Variants in SLC16A2 observed in about 807,000 individuals in gnomAD.
SLC16A2 encodes solute carrier family 16 member 2, also known as monocarboxylate transporter 8.
Under a neutral mutation model 27.2 loss-of-function variants are expected in SLC16A2, and 3 were observed. That is an observed-to-expected ratio of 0.11 (90% confidence interval 0.05 to 0.28). The LOEUF (loss-of-function observed/expected upper bound fraction) is 0.28. Among genes scored for constraint, SLC16A2 ranks in the 10% least tolerant of loss-of-function variants. The pLI is 1.00. For missense variants in SLC16A2, 295 were observed against 458.5 expected, an observed-to-expected ratio of 0.64 and a Z score of 3.26; for synonymous variants, 202 against 187.8, an observed-to-expected ratio of 1.08 and a Z score of -0.62.
rs1930465248 is a variant in SLC16A2 at position 74,524,821 on chromosome X, C to T, written c.1026+12C>T. 1 of 1,193,014 alleles carries T rather than the reference C, an allele frequency of 8.4e-7. No homozygotes were observed. The highest frequency in any genetic ancestry group is 1.1e-6 in the Non-Finnish European group (1 of 884,880). On this transcript the variant is annotated intron_variant, in intron 3 of 5. Transcript: ENST00000587091. ...CCTATGTACACCTGGTGAGGAATAC[C>T]AGAGTGGGCCCACCCCACCTGGCCC...
At chrX:74,521,485 A>G (rs1483088954) in intron 2 of SLC16A2, among the ~76,000 whole-genome samples, 3 of 112,106 alleles carry the variant, frequency 2.7e-5, no homozygotes, top group Non-Finnish European at 5.6e-5. Flanking sequence ...CTATATCTGT[A>G]ACATGAGGGG....
At chrX:74,480,379 G>A (rs551416363) in intron 1 of SLC16A2, among the ~76,000 whole-genome samples, 7 of 112,518 alleles carry the variant, frequency 6.2e-5, no homozygotes, top group South Asian at 3.7e-4. Context: ...GGTGCCATCC[G>A]TTACCCCTTT....
At chrX:74,425,273 C>T (rs965210968) in intron 1 of SLC16A2, among the ~76,000 whole-genome samples, 1 of 111,047 alleles carries the variant, frequency 9.0e-6, no homozygotes, top group Non-Finnish European at 1.9e-5. Flanking sequence ...TTTTGTGGAC[C>T]CTTTGATGTA....
intron 1 of SLC16A2, among the ~76,000 whole-genome samples, chrX:74,450,745 C>T (rs1928924896): frequency 8.9e-6 from 1 of 112,116 alleles, no homozygotes; most frequent in African/African-American, 3.2e-5. Context: ...TCCTTGCCTC[C>T]TCTGCCTTGT....
At chrX:74,440,308 G>T (rs765140611) in intron 1 of SLC16A2, among the ~76,000 whole-genome samples, 37 of 111,665 alleles carry the variant, frequency 3.3e-4, no homozygotes, top group Non-Finnish European at 6.4e-4. Flanking sequence ...TGTGTTCATT[G>T]TAAGTTTAGA....
intron 1 of SLC16A2, among the ~76,000 whole-genome samples, chrX:74,476,048 T>C (rs974370040): frequency 1.4e-4 from 16 of 111,430 alleles, no homozygotes; most frequent in African/African-American, 4.2e-4. Context: ...GGGGATGGCA[T>C]TGAATCTATA....
chrX:74,454,341 T>A (rs2147846633), intron 1 of SLC16A2, among the ~76,000 whole-genome samples: 1 of 110,257 alleles, frequency 9.1e-6, no homozygotes, highest in East Asian at 2.9e-4. Context: ...TGTCCAACAA[T>A]GATAGACTGG....
At chrX:74,446,357 G>A (rs1928837098) in intron 1 of SLC16A2, among the ~76,000 whole-genome samples, 2 of 111,590 alleles carry the variant, frequency 1.8e-5, no homozygotes, top group African/African-American at 3.3e-5. Flanking sequence ...AAGGCTGGGC[G>A]CGGTTGCTCA....
At chrX:74,440,370 A>G (rs1249620738) in intron 1 of SLC16A2, among the ~76,000 whole-genome samples, 2 of 111,120 alleles carry the variant, frequency 1.8e-5, no homozygotes, top group African/African-American at 6.6e-5. Context: ...GCTCCTCACA[A>G]GATGTCTTTA....
chrX:74,475,183 G>A (rs1929444747), intron 1 of SLC16A2, among the ~76,000 whole-genome samples: 1 of 108,098 alleles, frequency 9.3e-6, no homozygotes, highest in African/African-American at 3.4e-5. Context: ...TAACTGGTGT[G>A]AGATGGTATC....
At chrX:74,478,158 A>C (rs1929527314) in intron 1 of SLC16A2, among the ~76,000 whole-genome samples, 1 of 111,793 alleles carries the variant, frequency 8.9e-6, no homozygotes, top group South Asian at 3.8e-4. Context: ...TTGCTTTATG[A>C]ATCTGGGTGC....
chrX:74,445,040 A>T (rs1200629780), intron 1 of SLC16A2, among the ~76,000 whole-genome samples: 1 of 112,211 alleles, frequency 8.9e-6, no homozygotes, highest in African/African-American at 3.2e-5. Context: ...TGCAAACCAT[A>T]AGAGAGATCT....
intron 1 of SLC16A2, among the ~76,000 whole-genome samples, chrX:74,433,712 AT>A (rs1354796767): frequency 5.4e-5 from 6 of 111,352 alleles, no homozygotes; most frequent in Admixed American, 4.8e-4. Flanking sequence ...TAAAGTCTTC[AT>A]TTTTTTTAAA....
chrX:74,471,090 T>G (rs1929347392), intron 1 of SLC16A2, among the ~76,000 whole-genome samples: 1 of 112,862 alleles, frequency 8.9e-6, no homozygotes, highest in African/African-American at 3.2e-5. Context: ...AGAGCAGAGA[T>G]TCTTAATTTT....
intron 1 of SLC16A2, among the ~76,000 whole-genome samples, chrX:74,426,051 C>T (rs1037141034): frequency 1.8e-5 from 2 of 111,796 alleles, no homozygotes; most frequent in African/African-American, 6.5e-5. Flanking sequence ...ACCAAGAGTC[C>T]CAAGGTTGGG....
In SLC16A2 at chrX:74,464,596, T is replaced by C. The variant is rs982060718; in HGVS notation, c.430+42529T>C. ...TACTAAAACAAACCACTAAATATAATACCAAATAAAGATGGTATTAATTTC... is the reference window on the plus strand; with the variant it reads ...TACTAAAACAAACCACTAAATATAACACCAAATAAAGATGGTATTAATTTC... On this transcript the variant is annotated intron_variant, in intron 1 of 5. Transcript: ENST00000587091. Among the ~76,000 whole-genome samples, 3 of 111,754 alleles carry C rather than the reference T, an allele frequency of 2.7e-5. No individual in the cohort carries two copies. The Admixed American group carries it at 2.9e-4, about 11-fold the overall frequency.
In SLC16A2 at chrX:74,530,090, C is replaced by CTTTT. The variant is rs748919451; in HGVS notation, c.1399+666_1399+669dup. The stretch of plus-strand genomic sequence containing the variant: ...AGAACTCCAATTTCTTTTCTTTTCT[C>CTTTT]TTTTTTTTTTTTTTTTTTTTGAGAC... On this transcript the variant is annotated intron_variant, in intron 5 of 5. Coordinates refer to ENST00000587091, the MANE Select transcript of SLC16A2 (RefSeq NM_006517.5). 5.9e-5 allele frequency among the ~76,000 whole-genome samples: 4 copies of CTTTT among 67,928 alleles called. No homozygotes were observed. The East Asian group carries it at 1.0e-3, about 18-fold the overall frequency. 59.0% of individuals were successfully genotyped at this position (67,928 alleles called of 115,157 possible). A position where few individuals can be genotyped will look rare whatever the true frequency, so the allele number is the denominator to read the frequency against.
intron 1 of SLC16A2, among the ~76,000 whole-genome samples, chrX:74,424,567 G>A (rs1928369918): frequency 8.9e-6 from 1 of 112,137 alleles, no homozygotes; most frequent in Non-Finnish European, 1.9e-5. Flanking sequence ...GCTAATAGAA[G>A]TTTGTGTCAT....
In SLC16A2 at chrX:74,451,483, C is replaced by T. The variant is rs187696858; in HGVS notation, c.430+29416C>T. On this transcript the variant is annotated intron_variant, in intron 1 of 5. Transcript: ENST00000587091. Reference sequence around the variant, plus strand: ...CTCTGACTGTGTGAGATTATTCAGACTTGCAAGTGCACTTTTCCAATGAAT... The same window carrying T: ...CTCTGACTGTGTGAGATTATTCAGATTTGCAAGTGCACTTTTCCAATGAAT... Among the ~76,000 whole-genome samples, 515 of 112,486 alleles carry T rather than the reference C, an allele frequency of 4.6e-3. 2 individuals are homozygous for T. The highest frequency in any genetic ancestry group is 0.014 in the African/African-American group (434 of 31,010).
Sources: gnomAD v4.1 joint callset for allele counts (sites outside exome capture counted in the v4.1 genomes callset) on GRCh38, gnomAD v4.1.1 for gene constraint, MANE v1.5 for transcripts, NCBI Gene and HGNC (gene_info 2026-07-23, HGNC 2026-07-21) for gene names.